ZNF385B: variants seen among roughly 807,000 people sequenced by gnomAD.
ZNF385B encodes the protein zinc finger protein 533.
In ZNF385B, 23 loss-of-function variants were observed where a neutral mutation model predicts 39.2. That is an observed-to-expected ratio of 0.59 (90% CI 0.42 to 0.83). The LOEUF (loss-of-function observed/expected upper bound fraction) is 0.83, where lower values mean the gene tolerates loss of function less well. ZNF385B is among the 40% of genes least tolerant of loss of function. The probability of loss-of-function intolerance (pLI) is 0.00; values close to 1 mark genes in which losing one functional copy is unlikely to be tolerated. For synonymous variants in ZNF385B, 205 were observed against 222.6 expected, an observed-to-expected ratio of 0.92 and a Z score of 0.70; for missense variants, 552 against 598.9, an observed-to-expected ratio of 0.92 and a Z score of 0.82.
intron 1 of ZNF385B, among the ~76,000 whole-genome samples, chr2:179,819,306 G>A (rs1472500650): frequency 6.6e-6 from 1 of 152,010 alleles, no homozygotes; most frequent in Non-Finnish European, 1.5e-5. Flanking sequence ...AAGGACAGGT[G>A]GGTGGCTCCA....
chr2:179,563,439 T>C (rs1016708613), intron 3 of ZNF385B, among the ~76,000 whole-genome samples: 4 of 152,194 alleles, frequency 2.6e-5, no homozygotes, highest in Non-Finnish European at 5.9e-5. Flanking sequence ...GCACCTTTGG[T>C]TGGGCAACTT....
intron 6 of ZNF385B, among the ~76,000 whole-genome samples, chr2:179,452,324 C>T (rs771620151): frequency 2.6e-5 from 4 of 152,020 alleles, no homozygotes; most frequent in African/African-American, 7.2e-5. Flanking sequence ...TTTCTTACTC[C>T]AAAATCTTTA....
At chr2:179,825,364 A>G (rs1707622402) in intron 1 of ZNF385B, among the ~76,000 whole-genome samples, 2 of 152,206 alleles carry the variant, frequency 1.3e-5, no homozygotes, top group Non-Finnish European at 2.9e-5. Context: ...GACAGATATC[A>G]AAATAAATTT....
chr2:179,656,215 G>A (rs1693745012), intron 3 of ZNF385B, among the ~76,000 whole-genome samples: 2 of 152,032 alleles, frequency 1.3e-5, no homozygotes, highest in Admixed American at 6.6e-5. Flanking sequence ...TAAAATTATA[G>A]CTACTAATGG....
At chr2:179,825,858 C>T (rs1366961351) in intron 1 of ZNF385B, among the ~76,000 whole-genome samples, 1 of 151,994 alleles carries the variant, frequency 6.6e-6, no homozygotes, top group Admixed American at 6.5e-5. Context: ...TGGCTTCCAC[C>T]ATCTGCGAAC....
chr2:179,466,591 C>T (rs912997802), intron 6 of ZNF385B, among the ~76,000 whole-genome samples: 27 of 152,142 alleles, frequency 1.8e-4, no homozygotes, highest in Admixed American at 3.3e-4. Context: ...GTGTTATCAA[C>T]GATTACATGG....
At chr2:179,634,517 T>C (rs1559009828) in intron 3 of ZNF385B, among the ~76,000 whole-genome samples, 2 of 152,212 alleles carry the variant, frequency 1.3e-5, no homozygotes, top group South Asian at 2.1e-4. Context: ...CATCTCACAG[T>C]AGTTAGAATA....
At chr2:179,647,113 C>T (rs1692787129) in intron 3 of ZNF385B, among the ~76,000 whole-genome samples, 1 of 152,168 alleles carries the variant, frequency 6.6e-6, no homozygotes, top group Non-Finnish European at 1.5e-5. Flanking sequence ...GAACACCCAA[C>T]AGCTGCAAAC....
intron 3 of ZNF385B, among the ~76,000 whole-genome samples, chr2:179,704,551 GACAGTGAATC>G (rs1429480199): frequency 2.0e-5 from 3 of 152,212 alleles, no homozygotes; most frequent in African/African-American, 7.2e-5. Flanking sequence ...AAGACACCAT[GACAGTGAATC>G]CAGGGAGAAT....
At chr2:179,759,360 C>T (rs79819398) in intron 3 of ZNF385B, among the ~76,000 whole-genome samples, 1,871 of 152,190 alleles carry the variant, frequency 0.012, 46 homozygotes, top group African/African-American at 0.042. Context: ...ACAGAGAGAA[C>T]TCAGGACAAC....
intron 1 of ZNF385B, among the ~76,000 whole-genome samples, chr2:179,782,337 A>C (rs1483414943): frequency 1.3e-5 from 2 of 152,198 alleles, no homozygotes; most frequent in Admixed American, 6.5e-5. Flanking sequence ...ACATATCTCC[A>C]AATAATAAGA....
chr2:179,489,480 ATTAAG>A (rs781744651), intron 5 of ZNF385B, among the ~76,000 whole-genome samples: 4 of 152,220 alleles, frequency 2.6e-5, no homozygotes, highest in Non-Finnish European at 4.4e-5. Context: ...CATTAAATTA[ATTAAG>A]TTATTTATAT....
At chr2:179,831,353 T>C (rs1707974110) in intron 1 of ZNF385B, among the ~76,000 whole-genome samples, 1 of 152,264 alleles carries the variant, frequency 6.6e-6, no homozygotes, top group South Asian at 2.1e-4. Context: ...AGCTAGTAAA[T>C]AGTTAGCAGG....
At position 179,717,608 on chromosome 2, in the gene ZNF385B, C is replaced by T. The variant is rs80156429; in HGVS notation, c.298+51895G>A. Among the ~76,000 whole-genome samples, 1,154 of 152,272 alleles carry T rather than the reference C, an allele frequency of 7.6e-3. 15 individuals carry two copies. The highest frequency in any genetic ancestry group is 0.026 in the African/African-American group (1,085 of 41,550). On this transcript the variant is annotated intron_variant, in intron 3 of 9. Transcript: ENST00000410066. Reference sequence around the variant, plus strand: ...GAAGCTAGCCAGGCTAGGTGGTACACGCCTGTAGTCCCAGCTATTAAGAGG... The same window carrying T: ...GAAGCTAGCCAGGCTAGGTGGTACATGCCTGTAGTCCCAGCTATTAAGAGG...
At chr2:179,518,758 A>G in intron 4 of ZNF385B, 120 bp from the exon 5 acceptor site, 3 of 546,512 alleles carry the variant, frequency 5.5e-6, no homozygotes, top group Non-Finnish European at 9.5e-6. Flanking sequence ...AAACAAAGAT[A>G]ATAAAGAGTC....
chr2:179,473,191 G>A (rs12465524), intron 6 of ZNF385B, among the ~76,000 whole-genome samples: 6,260 of 152,184 alleles, frequency 0.041, 251 homozygotes, highest in Admixed American at 0.13. Flanking sequence ...AGGCCCTTCC[G>A]CATCTTTAAA....
At chr2:179,527,965 A>G (rs1249298704) in intron 4 of ZNF385B, among the ~76,000 whole-genome samples, 6 of 149,650 alleles carry the variant, frequency 4.0e-5, no homozygotes, top group Non-Finnish European at 4.4e-5. Flanking sequence ...GAAGAATGGG[A>G]AAGAAACAAT....
intron 4 of ZNF385B, among the ~76,000 whole-genome samples, chr2:179,542,889 G>C (rs2060007754): frequency 6.6e-6 from 1 of 152,118 alleles, no homozygotes; most frequent in African/African-American, 2.4e-5. Flanking sequence ...CAGGGGTATG[G>C]AATATGACTT....
chr2:179,775,012 T>C (rs1293337141), intron 1 of ZNF385B, among the ~76,000 whole-genome samples: 1 of 152,200 alleles, frequency 6.6e-6, no homozygotes, highest in Non-Finnish European at 1.5e-5. Context: ...GCTCTGGCAT[T>C]GCTTTTTACC....
Sources: gnomAD v4.1 joint callset for allele counts (sites outside exome capture counted in the v4.1 genomes callset) on GRCh38, gnomAD v4.1.1 for gene constraint, MANE v1.5 for transcripts, NCBI Gene and HGNC (gene_info 2026-07-23, HGNC 2026-07-21) for gene names.